The following TMEM225B variants were observed in gnomAD, a reference collection of about 807,000 sequenced individuals.
The protein encoded by TMEM225B is transmembrane protein 225-like.
A neutral mutation model predicts 16.9 loss-of-function variants in TMEM225B; 10 were observed. The observed-to-expected ratio is 0.59, with a 90% CI of 0.36 to 1.00. The LOEUF (loss-of-function observed/expected upper bound fraction) is 1.00, where lower values mean the gene tolerates loss of function less well. Among genes scored for constraint, TMEM225B ranks in the 50% least tolerant of loss-of-function variants. The pLI is 0.01. For missense variants in TMEM225B, 217 were observed against 267.0 expected, an observed-to-expected ratio of 0.81 and a Z score of 1.30; for synonymous variants, 92 against 109.8, an observed-to-expected ratio of 0.84 and a Z score of 1.01.
At chr7:99,608,858 T>TATATATATATATATATATAC (rs536627768) in intron 5 of TMEM225B, among the ~76,000 whole-genome samples, 90 of 144,420 alleles carry the variant, frequency 6.2e-4, no homozygotes, top group African/African-American at 2.3e-3. Context: ...TATATATATA[T>TATATATATATATATATATAC]ACACACACAC....
chr7:99,601,059 G>A (rs1805319364), intron 2 of TMEM225B, among the ~76,000 whole-genome samples: 1 of 152,168 alleles, frequency 6.6e-6, no homozygotes. Flanking sequence ...TGGAGATGGG[G>A]TAGACAGGAA....
intron 3 of TMEM225B, among the ~76,000 whole-genome samples, chr7:99,606,158 G>A (rs73713527): frequency 0.011 from 1,657 of 152,300 alleles, 33 homozygotes; most frequent in African/African-American, 0.037. Context: ...GGCCAGGCAC[G>A]GTGGCTCACG....
chr7:99,607,024 G>A (rs1227700070), intron 4 of TMEM225B, 130 bp downstream of exon 4: 23 of 1,023,598 alleles, frequency 2.2e-5, no homozygotes, highest in Non-Finnish European at 1.4e-5. Flanking sequence ...GTCTCACTCT[G>A]TTACCCAGGC....
chr7:99,608,634 G>T (rs1806023682), intron 5 of TMEM225B, among the ~76,000 whole-genome samples: 1 of 147,328 alleles, frequency 6.8e-6, no homozygotes. Flanking sequence ...CCAACTCTGG[G>T]GCTCAAGCGA....
chr7:99,601,360 A>G (rs1212312853), intron 2 of TMEM225B, among the ~76,000 whole-genome samples: 1 of 152,210 alleles, frequency 6.6e-6, no homozygotes, highest in East Asian at 1.9e-4. Context: ...TGGGAGGCCA[A>G]GGCAGGAAGA....
rs767874688 is a variant in TMEM225B, at chr7:99,604,585, G to A, written c.197G>A (p.Arg66Gln). The A allele has an allele frequency of 4.4e-5, 68 of 1,535,624 alleles. 1 individual carries two copies. The highest frequency in any genetic ancestry group is 9.8e-5 in the Admixed American group (5 of 50,970). ...NCFNAKCWKPRPLSIYIILGR... is the reference protein window; with the variant it reads ...NCFNAKCWKPQPLSIYIILGR... Reference sequence around the variant, plus strand: ...TTCAATGCCAAATGCTGGAAGCCTCGACCCTTATCCAGTAAGGAGGGATGG... The same window carrying A: ...TTCAATGCCAAATGCTGGAAGCCTCAACCCTTATCCAGTAAGGAGGGATGG... The change falls in exon 3 of 6, where the codon CGA becomes CAA. Residue 66 changes from arginine to glutamine, a missense_variant. Transcript: ENST00000431679.
chr7:99,606,750 T>A lies in TMEM225B; in HGVS notation c.211T>A (p.Tyr71Asn). The part of the protein sequence containing the change: ...KCWKPRPLSI[Y>N]IILGRVFLLS... ...CCCCACTTCTCCCTCCCCTGCAGTT[T>A]ACATCATCCTCGGCCGGGTTTTCCT... The change falls in exon 4 of 6, where the codon TAC (tyrosine) becomes AAC (asparagine). Residue 71 changes from tyrosine to asparagine, a missense_variant and splice_region_variant. Tyr to Asn is a moderately radical substitution (Grantham distance 143). Transcript: ENST00000431679. The A allele has an allele frequency of 6.5e-7, 1 of 1,536,014 alleles. No homozygotes were observed. The highest frequency in any genetic ancestry group is 1.2e-5 in the South Asian group (1 of 84,052).
intron 1 of TMEM225B, among the ~76,000 whole-genome samples, chr7:99,599,125 A>ATTTTTTTTTTTT (rs769617190): frequency 2.3e-3 from 266 of 115,446 alleles, no homozygotes; most frequent in African/African-American, 3.1e-3. Flanking sequence ...CGCCTGGCTA[A>ATTTTTTTTTTTT]TTTTTTTTTT....
At chr7:99,607,647 G>A (rs534552608) in intron 4 of TMEM225B, 26 bp from the exon 5 acceptor site, 69 of 1,529,086 alleles carry the variant, frequency 4.5e-5, no homozygotes, top group Admixed American at 2.2e-4. Flanking sequence ...GGAGGAGACC[G>A]AGGGTGTCTC....
chr7:99,607,781 G>C lies in TMEM225B; in HGVS notation c.464G>C (p.Gly155Ala), dbSNP rs1169891589. ...GTGCTGTGGCCTTACTACGTGCTGG[G>C]CTTCGGCATCTTTCTGTTCATAGTG... ...FSVLWPYYVL[G>A]FGIFLFIVAG... Residue 155 changes from glycine (G) to alanine (A), a missense_variant, in exon 5 of 6, where the codon GGC becomes GCC. By Grantham distance (60) the Gly-to-Ala change is moderately conservative. Coordinates refer to ENST00000431679, the MANE Select transcript of TMEM225B (RefSeq NM_001195541.3). 5 of 1,535,996 alleles carry C rather than the reference G, an allele frequency of 3.3e-6. No homozygotes were observed. In the African/African-American group the frequency reaches 5.5e-5, roughly 17 times the overall value.
chr7:99,608,861 A>ATATATATATATATATATATACGTG (rs1806087687), intron 5 of TMEM225B, among the ~76,000 whole-genome samples: 1 of 149,394 alleles, frequency 6.7e-6, no homozygotes, highest in African/African-American at 2.5e-5. Context: ...ATATATATAC[A>ATATATATATATATATATATACGTG]CACACACATA....
intron 5 of TMEM225B, among the ~76,000 whole-genome samples, chr7:99,608,263 A>G (rs75031238): frequency 0.031 from 4,746 of 152,214 alleles, 231 homozygotes; most frequent in African/African-American, 0.1. Flanking sequence ...TCTAAAATAA[A>G]ATAAAAAGTT....
chr7:99,602,692 T>C (rs897542087), intron 2 of TMEM225B, among the ~76,000 whole-genome samples: 2 of 152,292 alleles, frequency 1.3e-5, no homozygotes, highest in African/African-American at 4.8e-5. Context: ...TAACTACTCA[T>C]TCAAAAGATG....
At chr7:99,607,012 G>A in intron 4 of TMEM225B, 118 bp downstream of exon 4, 1 of 1,144,030 alleles carries the variant, frequency 8.7e-7, no homozygotes, top group Admixed American at 2.4e-5. Flanking sequence ...TTTAGGGACA[G>A]GGTCTCACTC....
chr7:99,610,781 G>T lies in TMEM225B; in HGVS notation c.*216G>T. On this transcript the variant is annotated 3_prime_UTR_variant, in exon 6 of 6. Transcript: ENST00000431679. ...TTCAACTCTTCTGAGCTTCCTAAGT[G>T]ACGTTTTTGCAGGTATTTTCAATAA... 1 of 427,194 alleles carries T rather than the reference G, an allele frequency of 2.3e-6. No individual in the cohort carries two copies. Among genetic ancestry groups the T allele is most frequent in the Non-Finnish European group, 4.2e-6 (1 of 238,790 alleles). 26.5% of individuals were successfully genotyped at this position (427,194 alleles called of 1,614,324 possible). A position where few individuals can be genotyped will look rare whatever the true frequency, so the allele number is the denominator to read the frequency against.
intron 3 of TMEM225B, among the ~76,000 whole-genome samples, chr7:99,605,050 A>C (rs929953393): frequency 6.6e-6 from 1 of 151,814 alleles, no homozygotes; most frequent in Non-Finnish European, 1.5e-5. Flanking sequence ...CAAAAAATTA[A>C]CCAGGCTTGG....
At chr7:99,603,033 T>C (rs1237979857) in intron 2 of TMEM225B, among the ~76,000 whole-genome samples, 1 of 152,118 alleles carries the variant, frequency 6.6e-6, no homozygotes, top group Non-Finnish European at 1.5e-5. Context: ...AAAGGAGACA[T>C]CTTAGTGACA....
chr7:99,608,785 ATATG>A (rs1218892019), intron 5 of TMEM225B, among the ~76,000 whole-genome samples: 2 of 149,936 alleles, frequency 1.3e-5, no homozygotes, highest in African/African-American at 4.9e-5. Context: ...ATGCACATAT[ATATG>A]TATGTGTGTA....
chr7:99,607,876 G>C lies in TMEM225B; in HGVS notation c.493+66G>C, dbSNP rs909431053. 2.0e-6 allele frequency: 3 copies of C among 1,487,052 alleles called. No homozygotes were observed. In the African/African-American group the frequency reaches 4.2e-5, roughly 21 times the overall value. The allele number at this position is 1,487,052 out of a possible 1,614,324, so 92.1% of individuals were successfully genotyped here. On this transcript the variant is annotated intron_variant, in intron 5 of 5. Transcript: ENST00000431679. Reference sequence around the variant, plus strand: ...TCTGGATTTAGGAACCTGTCTTGTGGAGGCCCTCCCTTTGGATTCTCTAGA... The same window carrying C: ...TCTGGATTTAGGAACCTGTCTTGTGCAGGCCCTCCCTTTGGATTCTCTAGA...
Sources: allele counts gnomAD v4.1 joint callset (sites outside exome capture counted in the v4.1 genomes callset), GRCh38; gene constraint gnomAD v4.1.1; transcripts MANE v1.5; gene names NCBI Gene and HGNC (gene_info 2026-07-23, HGNC 2026-07-21).